The following MED13L variants were observed in gnomAD, a reference collection of about 807,000 sequenced individuals.
MED13L encodes the protein mediator complex subunit 13L, also known as mediator of RNA polymerase II transcription subunit 13-like.
Under a neutral mutation model 220.9 loss-of-function variants are expected in MED13L, and 7 were observed. That is an observed-to-expected ratio of 0.03 (90% CI 0.02 to 0.06). The LOEUF is 0.06. MED13L is among the 10% of genes least tolerant of loss of function. MED13L has a pLI of 1.00. For synonymous variants in MED13L, 1,011 were observed against 1,015.2 expected (o/e 1.00, Z 0.08); for missense variants, 1,965 against 2,760.5 (o/e 0.71, Z 6.46).
chr12:116,031,821 AAAG>A (rs928655234), intron 4 of MED13L, among the ~76,000 whole-genome samples: 3 of 151,732 alleles, frequency 2.0e-5, no homozygotes, highest in Non-Finnish European at 4.4e-5. Flanking sequence ...AGAAAGAAAA[AAAG>A]AAAGAAAGTG....
Position 116,220,630 on chromosome 12 carries a change from C to T in MED13L, c.310+16838G>A, listed in dbSNP as rs182210059. 8.2e-3 allele frequency among the ~76,000 whole-genome samples: 1,244 copies of T among 152,074 alleles called. 13 individuals are homozygous for T. The highest frequency in any genetic ancestry group is 0.014 in the Non-Finnish European group (944 of 67,976). ...AGGAGAACCACTTGATCCCGGGAGG[C>T]GGAGGTTGCAGTGAGCCGAGATTGT... On this transcript the variant is annotated intron_variant, in intron 2 of 30. Transcript: ENST00000281928.
At chr12:115,995,218 T>C (rs1878321721) in intron 16 of MED13L, among the ~76,000 whole-genome samples, 1 of 152,110 alleles carries the variant, frequency 6.6e-6, no homozygotes, top group Non-Finnish European at 1.5e-5. Flanking sequence ...GGACCACAAA[T>C]TTGTTTTATT....
At chr12:116,094,485 T>C (rs538827776) in intron 4 of MED13L, among the ~76,000 whole-genome samples, 2 of 152,340 alleles carry the variant, frequency 1.3e-5, no homozygotes, top group African/African-American at 2.4e-5. Flanking sequence ...ATGAAGATTT[T>C]TGGAGCCAAA....
At position 116,277,047 on chromosome 12, in the gene MED13L, C is replaced by A. The variant is rs542687581; in HGVS notation, c.72+13G>T. The A allele has an allele frequency of 6.3e-7, 1 of 1,575,628 alleles. No individual in the cohort carries two copies. The highest frequency in any genetic ancestry group is 1.3e-5 in the African/African-American group (1 of 74,302). On this transcript the variant is annotated intron_variant, in intron 1 of 30. Coordinates refer to ENST00000281928, the MANE Select transcript of MED13L (RefSeq NM_015335.5). ...CCCCGGCACAGCCCCCTCCCCGCAG[C>A]CCGGCTACTCACCAGCGAAAAGAGG...
chr12:116,095,860 T>A (rs552449861), intron 4 of MED13L, among the ~76,000 whole-genome samples: 1 of 152,202 alleles, frequency 6.6e-6, no homozygotes, highest in African/African-American at 2.4e-5. Flanking sequence ...ATTCCATGTC[T>A]GTATAGTATC....
intron 2 of MED13L, among the ~76,000 whole-genome samples, chr12:116,210,682 T>C (rs1390247973): frequency 6.6e-6 from 1 of 150,888 alleles, no homozygotes; most frequent in Non-Finnish European, 1.5e-5. Context: ...CCTACAAATA[T>C]ACTACACAAA....
chr12:116,018,704 ATAAT>A (rs754999988), intron 7 of MED13L, among the ~76,000 whole-genome samples: 2 of 152,176 alleles, frequency 1.3e-5, no homozygotes, highest in Admixed American at 6.5e-5. Context: ...ACTGTCCCAT[ATAAT>A]TAATATTTAT....
intron 1 of MED13L, among the ~76,000 whole-genome samples, chr12:116,251,308 C>CCT (rs1871528896): frequency 3.4e-5 from 3 of 87,876 alleles, no homozygotes; most frequent in Non-Finnish European, 6.6e-5. Flanking sequence ...ATCATGGATC[C>CCT]TTTTTTTTTT....
intron 3 of MED13L, among the ~76,000 whole-genome samples, chr12:116,104,416 A>G (rs1468244563): frequency 6.6e-6 from 1 of 152,178 alleles, no homozygotes; most frequent in African/African-American, 2.4e-5. Flanking sequence ...TCATAATTAT[A>G]ATTTCAATTT....
intron 19 of MED13L, 119 bp from the exon 20 acceptor site, chr12:115,984,491 G>T: frequency 9.2e-7 from 1 of 1,083,036 alleles, no homozygotes; most frequent in Non-Finnish European, 1.3e-6. Context: ...TTCTTTTAGG[G>T]TTATCACATG....
At chr12:116,064,824 A>G (rs953418876) in intron 4 of MED13L, among the ~76,000 whole-genome samples, 6 of 152,232 alleles carry the variant, frequency 3.9e-5, no homozygotes, top group Non-Finnish European at 7.3e-5. Context: ...CACATTGTAG[A>G]GCATGACTCA....
intron 4 of MED13L, among the ~76,000 whole-genome samples, chr12:116,032,334 C>G (rs1880903242): frequency 6.6e-6 from 1 of 152,048 alleles, no homozygotes; most frequent in Admixed American, 6.5e-5. Flanking sequence ...GAGAGACAAC[C>G]TGCTAGTATC....
intron 4 of MED13L, among the ~76,000 whole-genome samples, chr12:116,052,866 T>G (rs966733024): frequency 6.6e-6 from 1 of 152,230 alleles, no homozygotes; most frequent in East Asian, 1.9e-4. Flanking sequence ...ACATTAATTA[T>G]GGAGTGTTTA....
intron 4 of MED13L, among the ~76,000 whole-genome samples, chr12:116,034,638 C>T (rs1342478540): frequency 6.6e-6 from 1 of 152,176 alleles, no homozygotes; most frequent in African/African-American, 2.4e-5. Flanking sequence ...TCTCCATAGT[C>T]TTCTCATATT....
At position 116,256,682 on chromosome 12, in the gene MED13L, C is replaced by CTTTTTT. The variant is rs35608298; in HGVS notation, c.73-18983_73-18978dup. ...ACAATCTCTCAAAGAAAACAAACTACTTTTTTTTTTTTTTTTTTTTTTGAG... is the reference window on the plus strand; with the variant it reads ...ACAATCTCTCAAAGAAAACAAACTACTTTTTTTTTTTTTTTTTTTTTTTTTTTTGAG... On this transcript the variant is annotated intron_variant, in intron 1 of 30. Transcript: ENST00000281928. Among the ~76,000 whole-genome samples, 31 of 96,242 alleles carry CTTTTTT rather than the reference C, an allele frequency of 3.2e-4. 1 individual carries two copies. The highest frequency in any genetic ancestry group is 4.3e-4 in the Non-Finnish European group (22 of 51,544). The allele number at this position is 96,242 out of a possible 152,430, so 63.1% of individuals were successfully genotyped here. A position where few individuals can be genotyped will look rare whatever the true frequency, so the allele number is the denominator to read the frequency against.
chr12:116,232,244 C>T (rs995028315), intron 2 of MED13L: 6 of 470,614 alleles, frequency 1.3e-5, no homozygotes, highest in Non-Finnish European at 1.4e-5. Context: ...GACAATAAAA[C>T]CAATTCAGAA....
chr12:116,244,728 GATC>G (rs1202739245), intron 1 of MED13L, among the ~76,000 whole-genome samples: 1 of 152,164 alleles, frequency 6.6e-6, no homozygotes, highest in African/African-American at 2.4e-5. Flanking sequence ...ACAGCAGAAG[GATC>G]ACTTGAACTC....
At chr12:116,020,169 T>G (rs1251691140) in intron 5 of MED13L, among the ~76,000 whole-genome samples, 197 bp from the exon 6 acceptor site, 1 of 152,232 alleles carries the variant, frequency 6.6e-6, no homozygotes. Flanking sequence ...CTCACTATGT[T>G]GCTCAGGCTG....
At chr12:116,203,331 T>C (rs1474168792) in intron 2 of MED13L, among the ~76,000 whole-genome samples, 2 of 152,182 alleles carry the variant, frequency 1.3e-5, no homozygotes, top group Admixed American at 1.3e-4. Context: ...ATCATCACTT[T>C]GTGGTGGTGT....
Sources: allele counts gnomAD v4.1 joint callset (sites outside exome capture counted in the v4.1 genomes callset), GRCh38; gene constraint gnomAD v4.1.1; transcripts MANE v1.5; gene names NCBI Gene and HGNC (gene_info 2026-07-23, HGNC 2026-07-21).